The following LCA5L variants were observed in gnomAD, a reference collection of about 807,000 sequenced individuals.
LCA5L encodes lebercilin-like protein.
Under a neutral mutation model 45.4 loss-of-function variants are expected in LCA5L, and 35 were observed. The observed-to-expected ratio is 0.77, with a 90% CI of 0.59 to 1.02. The LOEUF is 1.02. LCA5L is among the 50% of genes least tolerant of loss of function. The pLI is 0.00. For missense variants in LCA5L, 668 were observed against 761.6 expected (o/e 0.88, Z 1.45); for synonymous variants, 233 against 264.7 (o/e 0.88, Z 1.16).
chr21:39,411,321 A>G (rs1438479454), intron 8 of LCA5L, among the ~76,000 whole-genome samples: 1 of 152,042 alleles, frequency 6.6e-6, no homozygotes, highest in Non-Finnish European at 1.5e-5. Flanking sequence ...ATCTGTCAAA[A>G]CCCACTGAGC....
chr21:39,412,600 GCACA>G (rs58572253), intron 7 of LCA5L, among the ~76,000 whole-genome samples: 4 of 149,510 alleles, frequency 2.7e-5, no homozygotes, highest in Non-Finnish European at 4.5e-5. Flanking sequence ...ACGTGCATGT[GCACA>G]CACACACACA....
intron 7 of LCA5L, among the ~76,000 whole-genome samples, chr21:39,414,732 C>CTGTGTGTGTGTGTG (rs1464601997): frequency 4.5e-5 from 5 of 110,390 alleles, no homozygotes; most frequent in African/African-American, 2.0e-4. Flanking sequence ...CTCTCTCTCT[C>CTGTGTGTGTGTGTG]TCTCTCTCTC....
At position 39,410,276 on chromosome 21, in the gene LCA5L, A is replaced by T; in HGVS notation, c.1152T>A (p.Pro384=). Residue 384 remains proline (P), a synonymous_variant, in exon 9 of 11, where the codon CCT becomes CCA. Coordinates refer to ENST00000288350, the MANE Select transcript of LCA5L (RefSeq NM_152505.4). ...AAATTTGCTGTACCTTAGTTGTCAA[A>T]GGTGGAACATCTGATTTTTGGGTTC... The part of the protein sequence containing the change: ...HQGTQKSDVP[P]LTTKGKKATG... The T allele has an allele frequency of 6.2e-7, 1 of 1,603,730 alleles. No homozygotes were observed. The highest frequency in any genetic ancestry group is 8.5e-7 in the Non-Finnish European group (1 of 1,173,808).
At chr21:39,411,391 A>T (rs532771185) in intron 8 of LCA5L, among the ~76,000 whole-genome samples, 17 of 152,326 alleles carry the variant, frequency 1.1e-4, no homozygotes, top group African/African-American at 3.8e-4. Context: ...AATAAAGTTC[A>T]TTTTGAAAAG....
chr21:39,418,032 C>T (rs2041592190), intron 7 of LCA5L, among the ~76,000 whole-genome samples: 1 of 152,214 alleles, frequency 6.6e-6, no homozygotes, highest in Admixed American at 6.5e-5. Context: ...TCCCAAAGTG[C>T]TGGGATTACA....
intron 3 of LCA5L, among the ~76,000 whole-genome samples, chr21:39,433,414 CAAAA>C (rs765560945): frequency 6.4e-5 from 4 of 62,788 alleles, no homozygotes; most frequent in East Asian, 6.2e-4. Flanking sequence ...AACTCTGTCT[CAAAA>C]AAAAAAAAAA....
chr21:39,418,051 C>T (rs1286010524), intron 7 of LCA5L, among the ~76,000 whole-genome samples: 1 of 152,226 alleles, frequency 6.6e-6, no homozygotes, highest in Non-Finnish European at 1.5e-5. Flanking sequence ...CAGGCGTGAG[C>T]CACCGCGCCC....
At chr21:39,416,704 A>G (rs1235698453) in intron 7 of LCA5L, among the ~76,000 whole-genome samples, 2 of 152,146 alleles carry the variant, frequency 1.3e-5, no homozygotes, top group East Asian at 1.9e-4. Context: ...CTCAATGACA[A>G]CACCATAATC....
Position 39,405,967 on chromosome 21 carries a change from T to C in LCA5L, c.1928A>G (p.His643Arg). The C allele has an allele frequency of 6.2e-7, 1 of 1,614,152 alleles. No homozygotes were observed. ...PLPPSQASTS[H>R]AFGDSKVTVV... ...AGTTACTTTAGAGTCTCCGAAAGCATGGCTGGTGGAGGCCTGACTGGGAGG... is the reference window on the plus strand; with the variant it reads ...AGTTACTTTAGAGTCTCCGAAAGCACGGCTGGTGGAGGCCTGACTGGGAGG... Residue 643 changes from histidine (H) to arginine (R), a missense_variant, in exon 11 of 11, where the codon CAT becomes CGT. Coordinates refer to ENST00000288350, the MANE Select transcript of LCA5L (RefSeq NM_152505.4).
At chr21:39,429,460 C>A (rs2075408427) in intron 3 of LCA5L, 1 of 152,184 alleles carries the variant, frequency 6.6e-6, no homozygotes, top group Non-Finnish European at 1.5e-5. Context: ...CTAACTAGTG[C>A]TCTTACTTTG....
chr21:39,408,003 A>C (rs1228462385), intron 10 of LCA5L: 1 of 152,216 alleles, frequency 6.6e-6, no homozygotes, highest in Admixed American at 6.5e-5. Context: ...CTGAAGGCCC[A>C]ATGTGTTCAA....
At chr21:39,414,732 CTCTCTCTCTCTG>C (rs1181460893) in intron 7 of LCA5L, among the ~76,000 whole-genome samples, 4 of 110,396 alleles carry the variant, frequency 3.6e-5, no homozygotes, top group Admixed American at 9.7e-5. Context: ...CTCTCTCTCT[CTCTCTCTCTCTG>C]TGTGTGTGTG....
intron 2 of LCA5L, among the ~76,000 whole-genome samples, chr21:39,439,105 T>G (rs1206557014): frequency 6.6e-6 from 1 of 152,204 alleles, no homozygotes; most frequent in Non-Finnish European, 1.5e-5. Context: ...TGTAATCACA[T>G]GGGCCTGTCT....
At chr21:39,406,758 G>A (rs184254272) in intron 10 of LCA5L, 146 bp from the exon 11 acceptor site, 1 of 613,306 alleles carries the variant, frequency 1.6e-6, no homozygotes, top group African/African-American at 1.8e-5. Context: ...ATAGACAAAA[G>A]ATTACAGAGA....
In LCA5L at chr21:39,428,220, CT is replaced by C. The variant is rs1569110059; in HGVS notation, c.273del (p.Glu92LysfsTer40). On this transcript the variant is annotated frameshift_variant, in exon 5 of 11. Coordinates refer to ENST00000288350, the MANE Select transcript of LCA5L (RefSeq NM_152505.4). LOFTEE classifies it high-confidence loss of function. ...ACATTATACTTTTTCTTCTCCTTTT[CT>C]TTTACCACAGGCTGCTTTAAATAAT... ...NRNYLKQPVV[K>X]EKEKKKYNVS... 6.2e-7 allele frequency: 1 copy of C among 1,601,142 alleles called. No individual in the cohort carries two copies. The highest frequency in any genetic ancestry group is 1.3e-5 in the African/African-American group (1 of 74,516).
chr21:39,420,091 C>A (rs1229600488), intron 7 of LCA5L, among the ~76,000 whole-genome samples: 1 of 152,088 alleles, frequency 6.6e-6, no homozygotes, highest in African/African-American at 2.4e-5. Flanking sequence ...TAACAAGAAG[C>A]CTTGTTAATG....
chr21:39,422,210 G>A (rs1238123109), intron 6 of LCA5L: 2 of 152,166 alleles, frequency 1.3e-5, no homozygotes, highest in Admixed American at 6.5e-5. Flanking sequence ...GAAAATACTC[G>A]TGTTTCAGCA....
rs952446574 is a variant in LCA5L at position 39,410,099 on chromosome 21, G to A, written c.1165-3C>T. The A allele has an allele frequency of 1.9e-6, 3 of 1,588,834 alleles. No individual in the cohort carries two copies. Among genetic ancestry groups the A allele is most frequent in the Middle Eastern group, 1.7e-4 (1 of 6,022 alleles). On this transcript the variant is annotated splice_polypyrimidine_tract_variant and splice_region_variant and intron_variant, in intron 9 of 10. Transcript: ENST00000288350. ...ATGTTTCCTGTTGCCTTTTTACCCT[G>A]TAATTTAGAAAAGCAGCAAAAACAC...
intron 7 of LCA5L, among the ~76,000 whole-genome samples, chr21:39,417,970 G>A (rs1361751313): frequency 1.3e-5 from 2 of 152,116 alleles, no homozygotes; most frequent in Non-Finnish European, 2.9e-5. Context: ...GTTTCGCCGT[G>A]TTTGCCAGGA....
Sources: gnomAD v4.1 joint callset for allele counts (sites outside exome capture counted in the v4.1 genomes callset) on GRCh38, gnomAD v4.1.1 for gene constraint, MANE v1.5 for transcripts, NCBI Gene and HGNC (gene_info 2026-07-23, HGNC 2026-07-21) for gene names.